Variants in MYO7B observed in about 807,000 individuals in gnomAD.
MYO7B encodes the protein unconventional myosin-VIIb.
Under a neutral mutation model 259.7 loss-of-function variants are expected in MYO7B, and 212 were observed. The ratio of observed to expected loss-of-function variants is 0.82; its 90% confidence interval spans 0.73 to 0.91. The LOEUF (loss-of-function observed/expected upper bound fraction) is 0.91. Among genes scored for constraint, MYO7B ranks in the 40% least tolerant of loss-of-function variants. MYO7B has a pLI of 0.00. For synonymous variants in MYO7B, 1,197 were observed against 1,166.4 expected (o/e 1.03, Z -0.54); for missense variants, 2,732 against 2,813.5 (o/e 0.97, Z 0.66).
chr2:127,574,016 C>T lies in MYO7B; in HGVS notation c.689C>T (p.Ala230Val), dbSNP rs1229552856. The change falls in exon 7 of 48, where the codon GCG becomes GTG. Residue 230 changes from alanine (A) to valine (V), a missense_variant. Physicochemically the swap from Ala to Val is moderately conservative, Grantham distance 64. Coordinates refer to ENST00000409816, the MANE Select transcript of MYO7B (RefSeq NM_001393586.1). Reference protein sequence around the residue: ...YFNPSGVIEGARIEQFLLEKS... With the variant: ...YFNPSGVIEGVRIEQFLLEKS... ...AACCCCAGCGGGGTGATCGAGGGCGCGCGCATCGAGCAATTTCTCCTGGAG... is the reference window on the plus strand; with the variant it reads ...AACCCCAGCGGGGTGATCGAGGGCGTGCGCATCGAGCAATTTCTCCTGGAG... The T allele has an allele frequency of 4.3e-6, 7 of 1,613,930 alleles. No homozygotes were observed. Among genetic ancestry groups the T allele is most frequent in the African/African-American group, 1.3e-5 (1 of 74,938 alleles).
intron 9 of MYO7B, among the ~76,000 whole-genome samples, chr2:127,578,937 G>A (rs1678994236): frequency 6.6e-6 from 1 of 152,050 alleles, no homozygotes; most frequent in Non-Finnish European, 1.5e-5. Flanking sequence ...AATTTAGACA[G>A]CGAATGGGAA....
chr2:127,582,543 G>A (rs1679144486), intron 12 of MYO7B, 97 bp downstream of exon 12: 2 of 1,433,048 alleles, frequency 1.4e-6, no homozygotes, highest in East Asian at 4.9e-5. Flanking sequence ...CCGTCACCCT[G>A]CACCCAGGCC....
rs1678871200 is a variant in MYO7B, at chr2:127,576,523, G to A, written c.736-72G>A. The A allele has an allele frequency of 2.1e-6, 2 of 937,178 alleles. No individual in the cohort carries two copies. Among genetic ancestry groups the A allele is most frequent in the East Asian group, 5.4e-5 (2 of 36,750 alleles). 58.1% of individuals were successfully genotyped at this position (937,178 alleles called of 1,614,324 possible). A position where few individuals can be genotyped will look rare whatever the true frequency, so the allele number is the denominator to read the frequency against. On this transcript the variant is annotated intron_variant, in intron 7 of 47. Coordinates refer to ENST00000409816, the MANE Select transcript of MYO7B (RefSeq NM_001393586.1). This position sits in a 1 kb window ranked among gnomAD's most constrained non-coding sequence, Gnocchi z 4.9. ...GGAGGCCAGGGCTGGGCTGGGCAGA[G>A]GCAGTCTGAGGCCCTGAGGCCTCAG...
chr2:127,634,715 C>T (rs975746248), intron 42 of MYO7B, 32 bp downstream of exon 42: 29 of 1,494,732 alleles, frequency 1.9e-5, no homozygotes, highest in South Asian at 1.5e-4. Flanking sequence ...TGGGGGAGGG[C>T]GTGGCTGGGT....
At chr2:127,617,492 T>G (rs955415813) in intron 26 of MYO7B, among the ~76,000 whole-genome samples, 2 of 124,016 alleles carry the variant, frequency 1.6e-5, no homozygotes, top group Non-Finnish European at 3.4e-5. Context: ...ACGGGGTTTT[T>G]TTTTTTTTTT....
At position 127,620,207 on chromosome 2, in the gene MYO7B, G is replaced by T. The variant is rs1259527657; in HGVS notation, c.3399-133G>T. On this transcript the variant is annotated intron_variant, in intron 26 of 47. Coordinates refer to ENST00000409816, the MANE Select transcript of MYO7B (RefSeq NM_001393586.1). ...TCCTGAGAGAGGAGGAGGCTGGGCA[G>T]GGCCCCGGCGCTGGAGAGGTGCCCT... 6 of 1,073,416 alleles carry T rather than the reference G, an allele frequency of 5.6e-6. 1 individual carries two copies. In the African/African-American group the frequency reaches 6.4e-5, roughly 11 times the overall value. 66.5% of individuals were successfully genotyped at this position (1,073,416 alleles called of 1,614,324 possible). A position where few individuals can be genotyped will look rare whatever the true frequency, so the allele number is the denominator to read the frequency against.
At chr2:127,612,170 C>G in intron 24 of MYO7B, 80 bp from the exon 25 acceptor site, 3 of 512,174 alleles carry the variant, frequency 5.9e-6, no homozygotes, top group Admixed American at 4.6e-5. Flanking sequence ...GACACGTGCT[C>G]CACCCCAGGA....
intron 12 of MYO7B, among the ~76,000 whole-genome samples, chr2:127,583,218 G>T (rs1038439290): frequency 6.6e-6 from 1 of 152,322 alleles, no homozygotes; most frequent in Admixed American, 6.5e-5. Flanking sequence ...GGAGCCAGGG[G>T]GCTAGCCTGA....
chr2:127,623,126 G>A (rs1680919111), intron 28 of MYO7B, 76 bp from the exon 29 acceptor site: 2 of 1,533,158 alleles, frequency 1.3e-6, no homozygotes, highest in African/African-American at 1.4e-5. Context: ...GGAGAGGAGG[G>A]AGGTAGTGGA....
At chr2:127,620,068 CA>C (rs1680767358) in intron 26 of MYO7B, 1 of 299,074 alleles carries the variant, frequency 3.3e-6, no homozygotes, top group South Asian at 1.0e-4. Context: ...CTGCTGAGGA[CA>C]GGGCTGTGGC....
At chr2:127,547,658 T>C (rs1368442559) in intron 1 of MYO7B, among the ~76,000 whole-genome samples, 1 of 152,098 alleles carries the variant, frequency 6.6e-6, no homozygotes, top group Admixed American at 6.5e-5. Context: ...TTGATTGGTG[T>C]GATGGAGGAT....
At chr2:127,580,538 C>T (rs1213744510) in intron 9 of MYO7B, among the ~76,000 whole-genome samples, 2 of 152,214 alleles carry the variant, frequency 1.3e-5, no homozygotes, top group Admixed American at 6.5e-5. Flanking sequence ...TGGTCTGCCA[C>T]GTTCATCAAC....
intron 7 of MYO7B, among the ~76,000 whole-genome samples, chr2:127,575,795 A>G (rs1273498951): frequency 6.6e-6 from 1 of 151,956 alleles, no homozygotes; most frequent in Non-Finnish European, 1.5e-5. Flanking sequence ...TAATTTTCTT[A>G]TTTTTTGTAG....
intron 10 of MYO7B, among the ~76,000 whole-genome samples, 182 bp from the exon 11 acceptor site, chr2:127,581,709 C>T (rs891666276): frequency 2.0e-5 from 3 of 152,168 alleles, no homozygotes; most frequent in Non-Finnish European, 2.9e-5. Context: ...CTTGACCCAC[C>T]GAGCTGGAGA....
chr2:127,587,543 C>G (rs556358749), intron 14 of MYO7B, among the ~76,000 whole-genome samples: 1 of 151,144 alleles, frequency 6.6e-6, no homozygotes, highest in South Asian at 2.1e-4. Flanking sequence ...TGTCTGTGTC[C>G]TCATCTCCCC....
In MYO7B at chr2:127,588,414, C is replaced by T. The variant is rs373697450; in HGVS notation, c.1713C>T (p.Asp571=). Residue 571 remains aspartate, a synonymous_variant, in exon 15 of 48, where the codon GAC becomes GAT. Transcript: ENST00000409816. Reference sequence around the variant, plus strand: ...CAGGCTTCCTGGAGAAGAACCGAGACGTGCTGAGCACAGATATCCTCACCC... The same window carrying T: ...CAGGCTTCCTGGAGAAGAACCGAGATGTGCTGAGCACAGATATCCTCACCC... ...QAEGFLEKNR[D]VLSTDILTLV... 103 of 1,612,902 alleles carry T rather than the reference C, an allele frequency of 6.4e-5. No individual in the cohort carries two copies. Among genetic ancestry groups the T allele is most frequent in the East Asian group, 6.0e-4 (27 of 44,876 alleles).
At position 127,628,289 on chromosome 2, in the gene MYO7B, C is replaced by T; in HGVS notation, c.4461-83C>T. 1 of 1,517,026 alleles carries T rather than the reference C, an allele frequency of 6.6e-7. No homozygotes were observed. Among genetic ancestry groups the T allele is most frequent in the Non-Finnish European group, 8.9e-7 (1 of 1,128,088 alleles). The allele number at this position is 1,517,026 out of a possible 1,614,324, so 94.0% of individuals were successfully genotyped here. A position where few individuals can be genotyped will look rare whatever the true frequency, so the allele number is the denominator to read the frequency against. On this transcript the variant is annotated intron_variant, in intron 33 of 47. Transcript: ENST00000409816. The surrounding 1 kb of genome is among the most constrained non-coding windows in gnomAD (Gnocchi z 4.8). ...GTCCTCATCTGTGACTCAGGACCCC[C>T]AACCCCACCTCCCGAGGCTGTTTAG...
intron 1 of MYO7B, among the ~76,000 whole-genome samples, chr2:127,540,539 A>G (rs1316783438): frequency 6.6e-6 from 1 of 152,208 alleles, no homozygotes; most frequent in Non-Finnish European, 1.5e-5. Flanking sequence ...TCTTTAAGGA[A>G]TATCCCTACT....
At position 127,633,371 on chromosome 2, in the gene MYO7B, C is replaced by T. The variant is rs1558854970; in HGVS notation, c.5511+8C>T. On this transcript the variant is annotated splice_region_variant and intron_variant, in intron 40 of 47. Coordinates refer to ENST00000409816, the MANE Select transcript of MYO7B (RefSeq NM_001393586.1). Reference sequence around the variant, plus strand: ...CCCAATGACACCAGTGAGGTGAGGCCCTGCTCTGGTCTGCACGGCAAGTCT... The same window carrying T: ...CCCAATGACACCAGTGAGGTGAGGCTCTGCTCTGGTCTGCACGGCAAGTCT... 1.2e-6 allele frequency: 2 copies of T among 1,611,522 alleles called. No individual in the cohort carries two copies. Among genetic ancestry groups the T allele is most frequent in the Admixed American group, 1.7e-5 (1 of 59,886 alleles).
Sources: gnomAD v4.1 joint callset for allele counts (sites outside exome capture counted in the v4.1 genomes callset) on GRCh38, gnomAD v4.1.1 for gene constraint, Gnocchi (gnomAD v3.1) non-coding constraint, MANE v1.5 for transcripts, NCBI Gene and HGNC (gene_info 2026-07-23, HGNC 2026-07-21) for gene names.